MCF2L2: variants seen among roughly 807,000 people sequenced by gnomAD.
MCF2L2 encodes MCF.2 cell line derived transforming sequence-like 2, also known as probable guanine nucleotide exchange factor MCF2L2.
A neutral mutation model predicts 150.2 loss-of-function variants in MCF2L2; 102 were observed. That is an observed-to-expected ratio of 0.68 (90% CI 0.58 to 0.80). The LOEUF (loss-of-function observed/expected upper bound fraction) is 0.80. Among genes scored for constraint, MCF2L2 ranks in the 30% least tolerant of loss-of-function variants. MCF2L2 has a pLI of 0.00. For synonymous variants in MCF2L2, 465 were observed against 491.3 expected (o/e 0.95, Z 0.71); for missense variants, 1,256 against 1,372.8 (o/e 0.91, Z 1.34).
intron 5 of MCF2L2, among the ~76,000 whole-genome samples, chr3:183,325,663 A>G (rs1280107575): frequency 1.3e-5 from 2 of 152,202 alleles, no homozygotes; most frequent in Non-Finnish European, 1.5e-5. Context: ...AAAAGACCCA[A>G]TGTGCAACAT....
chr3:183,269,229 G>GTTTTTTTTTTTTTTTTTTTTTTTTTTT (rs1305607255), intron 15 of MCF2L2, among the ~76,000 whole-genome samples: 1 of 77,022 alleles, frequency 1.3e-5, no homozygotes, highest in African/African-American at 1.1e-4. Flanking sequence ...CGTTTGGGAA[G>GTTTTTTTTTTTTTTTTTTTTTTTTTTT]CTTTTTTTTT....
chr3:183,339,022 G>A (rs1165026359), intron 4 of MCF2L2, 103 bp from the exon 5 acceptor site: 24 of 1,221,480 alleles, frequency 2.0e-5, no homozygotes, highest in Non-Finnish European at 2.7e-5. Flanking sequence ...ATCACAGAAG[G>A]AAAAGTTAAA....
chr3:183,371,774 G>A (rs1025009401), intron 3 of MCF2L2, among the ~76,000 whole-genome samples: 10 of 151,678 alleles, frequency 6.6e-5, no homozygotes, highest in South Asian at 6.3e-4. Context: ...CACCGCACCC[G>A]GCCTCTGATT....
intron 27 of MCF2L2, among the ~76,000 whole-genome samples, chr3:183,184,908 T>A (rs1721642365): frequency 1.4e-5 from 2 of 146,926 alleles, no homozygotes. Context: ...AATGCACAAC[T>A]TTTTTTTTCT....
At chr3:183,261,473 T>C (rs925022677) in intron 15 of MCF2L2, among the ~76,000 whole-genome samples, 2 of 152,152 alleles carry the variant, frequency 1.3e-5, no homozygotes, top group Admixed American at 1.3e-4. Flanking sequence ...AAAGTTTAAA[T>C]GTAAAAGATA....
At position 183,305,692 on chromosome 3, in the gene MCF2L2, T is replaced by C. The variant is rs1326444830; in HGVS notation, c.1113+4024A>G. ...GGTGAAACCCCATCTCTACTAAAAA[T>C]ACAAAAATTAGCCGGGTGTGGTGGA... On this transcript the variant is annotated intron_variant, in intron 10 of 29. Coordinates refer to ENST00000328913, the MANE Select transcript of MCF2L2 (RefSeq NM_015078.4). The surrounding 1 kb of genome is among the most constrained non-coding windows in gnomAD (Gnocchi z 4.1). Among the ~76,000 whole-genome samples the C allele has an allele frequency of 6.6e-6, 1 of 152,066 alleles. No homozygotes were observed. Among genetic ancestry groups the C allele is most frequent in the Non-Finnish European group, 1.5e-5 (1 of 68,006 alleles).
chr3:183,402,462 A>AAAAAAAAAAAAAAAAAAAAAG (rs1714817785), intron 1 of MCF2L2, among the ~76,000 whole-genome samples: 1 of 149,754 alleles, frequency 6.7e-6, no homozygotes, highest in Non-Finnish European at 1.5e-5. Flanking sequence ...AAAAAAAAAA[A>AAAAAAAAAAAAAAAAAAAAAG]AAAAAAAAAA....
intron 1 of MCF2L2, among the ~76,000 whole-genome samples, chr3:183,396,949 G>C (rs1172084225): frequency 6.6e-6 from 1 of 152,132 alleles, no homozygotes; most frequent in Non-Finnish European, 1.5e-5. Flanking sequence ...ATCATCCCCA[G>C]GGCCTCTAGA....
chr3:183,379,076 T>G (rs1713363461), intron 3 of MCF2L2: 1 of 488,940 alleles, frequency 2.0e-6, no homozygotes. Flanking sequence ...GTCCCTCCTG[T>G]GTGCACAAGA....
intron 3 of MCF2L2, among the ~76,000 whole-genome samples, chr3:183,351,904 C>T (rs1711513233): frequency 6.6e-6 from 1 of 152,164 alleles, no homozygotes; most frequent in African/African-American, 2.4e-5. Flanking sequence ...TCAAGCCCTC[C>T]TTCCAATTTT....
intron 13 of MCF2L2, among the ~76,000 whole-genome samples, chr3:183,291,315 A>C (rs1728130763): frequency 6.6e-6 from 1 of 152,222 alleles, no homozygotes; most frequent in Non-Finnish European, 1.5e-5. Flanking sequence ...GCACGAGACA[A>C]ACATGATTAC....
At chr3:183,404,029 T>A (rs1336666003) in intron 1 of MCF2L2, among the ~76,000 whole-genome samples, 1 of 152,152 alleles carries the variant, frequency 6.6e-6, no homozygotes, top group Non-Finnish European at 1.5e-5. Context: ...CTACATACAA[T>A]TTTAAACCTT....
intron 15 of MCF2L2, among the ~76,000 whole-genome samples, chr3:183,259,336 G>C (rs114169124): frequency 2.6e-5 from 4 of 152,220 alleles, no homozygotes; most frequent in African/African-American, 9.6e-5. Context: ...AGTAGTGGCT[G>C]TTTGTAGCAT....
At chr3:183,420,608 A>T (rs1363979741) in intron 1 of MCF2L2, among the ~76,000 whole-genome samples, 4 of 152,230 alleles carry the variant, frequency 2.6e-5, no homozygotes, top group Non-Finnish European at 5.9e-5. Context: ...CAAAAAAAGA[A>T]AAAAGATACA....
rs571440607 is a variant in MCF2L2, at chr3:183,403,262, T to C, written c.77-13483A>G. On this transcript the variant is annotated intron_variant, in intron 1 of 29. Transcript: ENST00000328913. ...ACTCCAGCCTGGGTAACAGTGAGACTCCGTCTCAAAATAAATAAAATAAAA... is the reference window on the plus strand; with the variant it reads ...ACTCCAGCCTGGGTAACAGTGAGACCCCGTCTCAAAATAAATAAAATAAAA... Among the ~76,000 whole-genome samples the C allele has an allele frequency of 8.0e-5, 12 of 149,308 alleles. No individual in the cohort carries two copies. In the South Asian group the frequency reaches 2.6e-3, roughly 32 times the overall value.
At chr3:183,412,156 C>A (rs1214091819) in intron 1 of MCF2L2, among the ~76,000 whole-genome samples, 1 of 152,072 alleles carries the variant, frequency 6.6e-6, no homozygotes, top group Non-Finnish European at 1.5e-5. Context: ...GAAGCAATCA[C>A]CTAGAAGTTT....
chr3:183,240,897 T>G lies in MCF2L2; in HGVS notation c.1863-9880A>C, dbSNP rs909169988. Among the ~76,000 whole-genome samples, 5 of 152,352 alleles carry G rather than the reference T, an allele frequency of 3.3e-5. No homozygotes were observed. The South Asian group carries it at 1.0e-3, about 32-fold the overall frequency. ...GCTTCAGCTGAAATCAGTACCACACTCTCATCCTTGTTTCCCACCCAAAAA... is the reference window on the plus strand; with the variant it reads ...GCTTCAGCTGAAATCAGTACCACACGCTCATCCTTGTTTCCCACCCAAAAA... On this transcript the variant is annotated intron_variant, in intron 15 of 29. Coordinates refer to ENST00000328913, the MANE Select transcript of MCF2L2 (RefSeq NM_015078.4).
intron 7 of MCF2L2, among the ~76,000 whole-genome samples, chr3:183,313,232 A>AACACACACAC (rs111694523): frequency 3.5e-4 from 53 of 149,406 alleles, no homozygotes; most frequent in African/African-American, 1.2e-3. Flanking sequence ...AGCTTCCAGC[A>AACACACACAC]ACACACACAC....
At chr3:183,340,493 A>C (rs540251308) in intron 4 of MCF2L2, among the ~76,000 whole-genome samples, 23 of 152,108 alleles carry the variant, frequency 1.5e-4, no homozygotes, top group Non-Finnish European at 2.9e-4. Flanking sequence ...GGACACATCT[A>C]CTTGCTGAAA....
Sources: allele counts gnomAD v4.1 joint callset (sites outside exome capture counted in the v4.1 genomes callset), GRCh38; gene constraint gnomAD v4.1.1; non-coding constraint Gnocchi (gnomAD v3.1); transcripts MANE v1.5; gene names NCBI Gene and HGNC (gene_info 2026-07-23, HGNC 2026-07-21).